Variants in POLR3B observed in about 807,000 individuals in gnomAD.
POLR3B encodes the protein DNA-directed RNA polymerase III subunit RPC2.
In POLR3B, 96 loss-of-function variants were observed where a neutral mutation model predicts 147.4. The observed-to-expected ratio is 0.65, with a 90% CI of 0.55 to 0.77. The LOEUF (loss-of-function observed/expected upper bound fraction) is 0.77. Among genes scored for constraint, POLR3B ranks in the 30% least tolerant of loss-of-function variants. POLR3B has a pLI of 0.00. For synonymous variants in POLR3B, 461 were observed against 485.9 expected (o/e 0.95, Z 0.67); for missense variants, 1,036 against 1,413.5 (o/e 0.73, Z 4.28).
At chr12:106,478,615 T>C (rs1306456250) in intron 23 of POLR3B, among the ~76,000 whole-genome samples, 1 of 151,992 alleles carries the variant, frequency 6.6e-6, no homozygotes, top group Non-Finnish European at 1.5e-5. Context: ...ATGTTAAAGA[T>C]TGGGGAAAAA....
At chr12:106,399,026 A>AACT (rs1202082606) in intron 10 of POLR3B, among the ~76,000 whole-genome samples, 1 of 152,210 alleles carries the variant, frequency 6.6e-6, no homozygotes. Context: ...CACACGATCA[A>AACT]ACTACTCCAA....
chr12:106,380,267 T>C, intron 9 of POLR3B, 128 bp downstream of exon 9: 1 of 680,442 alleles, frequency 1.5e-6, no homozygotes, highest in Non-Finnish European at 2.6e-6. Flanking sequence ...TTGTCAGTCA[T>C]ATGATGTATT....
intron 9 of POLR3B, 32 bp downstream of exon 9, chr12:106,380,171 A>G (rs368291969): frequency 9.9e-6 from 12 of 1,208,374 alleles, no homozygotes; most frequent in Non-Finnish European, 6.2e-6. Flanking sequence ...GAAAATTGTA[A>G]GAATTCTTTC....
In POLR3B at chr12:106,486,335, C is replaced by G. The variant is rs117027691; in HGVS notation, c.2714-9720C>G. 7.9e-3 allele frequency among the ~76,000 whole-genome samples: 1,133 copies of G among 144,158 alleles called. 6 individuals carry two copies. Among genetic ancestry groups the G allele is most frequent in the Non-Finnish European group, 0.013 (871 of 66,072 alleles). 94.6% of individuals were successfully genotyped at this position (144,158 alleles called of 152,430 possible). On this transcript the variant is annotated intron_variant, in intron 23 of 27. Transcript: ENST00000228347. The stretch of plus-strand genomic sequence containing the variant: ...AAAAAAGAGTAAGGAGATTGAGGTT[C>G]AGGGGAGGTGAGTAGCATGCCTCCT...
In POLR3B at chr12:106,376,536, A is replaced by C. The variant is rs2036681837; in HGVS notation, c.496+86A>C. On this transcript the variant is annotated intron_variant, in intron 7 of 27. Coordinates refer to ENST00000228347, the MANE Select transcript of POLR3B (RefSeq NM_018082.6). ...GGTTTTAACATTTTGTCTCAAAAACAGTACCAGCTTTTCTACTTTATAATG... is the reference window on the plus strand; with the variant it reads ...GGTTTTAACATTTTGTCTCAAAAACCGTACCAGCTTTTCTACTTTATAATG... The C allele has an allele frequency of 9.5e-6, 9 of 950,712 alleles. No homozygotes were observed. In the Admixed American group the frequency reaches 1.6e-4, roughly 17 times the overall value. The allele number at this position is 950,712 out of a possible 1,614,324, so 58.9% of individuals were successfully genotyped here. A position where few individuals can be genotyped will look rare whatever the true frequency, so the allele number is the denominator to read the frequency against.
intron 19 of POLR3B, among the ~76,000 whole-genome samples, chr12:106,448,611 T>G (rs1423980268): frequency 2.0e-5 from 3 of 151,458 alleles, no homozygotes; most frequent in Non-Finnish European, 4.4e-5. Context: ...TAATTTTTTT[T>G]TGTTTTTTAG....
chr12:106,475,326 A>T lies in POLR3B; in HGVS notation c.2713+11706A>T, dbSNP rs1390433147. On this transcript the variant is annotated intron_variant, in intron 23 of 27. Transcript: ENST00000228347. ...TGGAATAGGTGTGGTGTGGTGCTGA[A>T]AAAAATGTATATTCTGTTGATTTGG... 5.6e-5 allele frequency among the ~76,000 whole-genome samples: 6 copies of T among 108,090 alleles called. 1 individual carries two copies. The East Asian group carries it at 1.3e-3, about 23-fold the overall frequency. The allele number at this position is 108,090 out of a possible 152,430, so 70.9% of individuals were successfully genotyped here. A position where few individuals can be genotyped will look rare whatever the true frequency, so the allele number is the denominator to read the frequency against.
At chr12:106,415,493 TAGGGATATGGGTGTATAA>T (rs1328354057) in intron 12 of POLR3B, among the ~76,000 whole-genome samples, 1 of 152,110 alleles carries the variant, frequency 6.6e-6, no homozygotes, top group Non-Finnish European at 1.5e-5. Context: ...TATGGTAACT[TAGGGATATGGGTGTATAA>T]AGCACTAGCA....
chr12:106,415,561 A>C (rs995186721), intron 12 of POLR3B, among the ~76,000 whole-genome samples: 1 of 152,154 alleles, frequency 6.6e-6, no homozygotes, highest in African/African-American at 2.4e-5. Context: ...GTCCCCTGGA[A>C]TTTTCCCAGG....
At chr12:106,409,881 T>G (rs2037202671) in intron 11 of POLR3B, among the ~76,000 whole-genome samples, 3 of 152,194 alleles carry the variant, frequency 2.0e-5, no homozygotes, top group Non-Finnish European at 1.5e-5. Flanking sequence ...TTTTTAGATG[T>G]AGGATCTACT....
At chr12:106,401,734 C>T (rs867795951) in intron 10 of POLR3B, among the ~76,000 whole-genome samples, 4 of 152,144 alleles carry the variant, frequency 2.6e-5, no homozygotes, top group Non-Finnish European at 5.9e-5. Context: ...TCAATAGATG[C>T]GGAAAAGGCC....
chr12:106,387,178 T>C (rs1201147266), intron 9 of POLR3B, among the ~76,000 whole-genome samples: 1 of 152,272 alleles, frequency 6.6e-6, no homozygotes, highest in Admixed American at 6.5e-5. Context: ...ACAGTTTTCC[T>C]GTGCTTTTGT....
chr12:106,367,969 T>C (rs1200116995), intron 4 of POLR3B, among the ~76,000 whole-genome samples: 1 of 152,164 alleles, frequency 6.6e-6, no homozygotes, highest in African/African-American at 2.4e-5. Flanking sequence ...CTGTACAGAA[T>C]AGTTTCCTTT....
intron 18 of POLR3B, among the ~76,000 whole-genome samples, chr12:106,439,290 T>A (rs1321324648): frequency 6.6e-6 from 1 of 152,106 alleles, no homozygotes; most frequent in African/African-American, 2.4e-5. Context: ...GGTGGAAGGA[T>A]CATTTGAGCC....
chr12:106,457,060 G>A, intron 20 of POLR3B, 78 bp from the exon 21 acceptor site: 1 of 1,245,962 alleles, frequency 8.0e-7, no homozygotes, highest in East Asian at 2.3e-5. Context: ...GGAGTGGATT[G>A]TTGAGTAGCA....
At chr12:106,394,796 C>T (rs1474011077) in intron 10 of POLR3B, among the ~76,000 whole-genome samples, 2 of 152,096 alleles carry the variant, frequency 1.3e-5, no homozygotes, top group East Asian at 1.9e-4. Flanking sequence ...GTTCCTTTTC[C>T]TCGAAAGGGA....
intron 23 of POLR3B, among the ~76,000 whole-genome samples, chr12:106,477,890 CCTTTTTTTTT>C: frequency 1.4e-5 from 1 of 72,228 alleles, no homozygotes; most frequent in African/African-American, 5.3e-5. Context: ...TGGCTCCTCC[CCTTTTTTTTT>C]TTTTTTTTTT....
chr12:106,494,144 C>T (rs978914584), intron 23 of POLR3B, among the ~76,000 whole-genome samples: 2 of 152,112 alleles, frequency 1.3e-5, no homozygotes, highest in Non-Finnish European at 2.9e-5. Context: ...TTCAGTGGAA[C>T]GAGCACTTTT....
At chr12:106,478,681 T>C (rs1178868389) in intron 23 of POLR3B, among the ~76,000 whole-genome samples, 1 of 152,162 alleles carries the variant, frequency 6.6e-6, no homozygotes, top group African/African-American at 2.4e-5. Context: ...AATAGAAGGA[T>C]TGACATGGGA....
Sources: gnomAD v4.1 joint callset for allele counts (sites outside exome capture counted in the v4.1 genomes callset) on GRCh38, gnomAD v4.1.1 for gene constraint, MANE v1.5 for transcripts, NCBI Gene and HGNC (gene_info 2026-07-23, HGNC 2026-07-21) for gene names.